LRRC4C: variants seen among roughly 807,000 people sequenced by gnomAD.
LRRC4C encodes the protein leucine rich repeat containing 4C, also known as leucine-rich repeat-containing protein 4C.
In LRRC4C, 5 loss-of-function variants were observed where a neutral mutation model predicts 33.6. The ratio of observed to expected loss-of-function variants is 0.15; its 90% CI spans 0.08 to 0.31. LRRC4C has a LOEUF of 0.31. Ranked by LOEUF, LRRC4C falls within the 10% of genes least tolerant of loss-of-function variation. The pLI, the probability that LRRC4C is intolerant of heterozygous loss-of-function variation, is 1.00. For missense variants in LRRC4C, 560 were observed against 796.7 expected (o/e 0.70, Z 3.58); for synonymous variants, 329 against 302.0 (o/e 1.09, Z -0.93).
At chr11:40,631,530 GCT>G (rs144335834) in intron 3 of LRRC4C, among the ~76,000 whole-genome samples, 5,704 of 152,190 alleles carry the variant, frequency 0.037, 339 homozygotes, top group African/African-American at 0.13. Context: ...TGACTCTGTT[GCT>G]CTTTACCCCA....
chr11:40,326,552 G>GAA (rs67048103), intron 3 of LRRC4C, among the ~76,000 whole-genome samples: 1 of 141,616 alleles, frequency 7.1e-6, no homozygotes, highest in African/African-American at 2.7e-5. Flanking sequence ...CTTCTCAAAA[G>GAA]AAAAAAAAAA....
At chr11:41,435,091 C>G (rs1259666942) in intron 1 of LRRC4C, among the ~76,000 whole-genome samples, 3 of 152,160 alleles carry the variant, frequency 2.0e-5, no homozygotes, top group Non-Finnish European at 4.4e-5. Flanking sequence ...TAAAAGTCCA[C>G]AAGGTCCTTA....
intron 1 of LRRC4C, among the ~76,000 whole-genome samples, chr11:41,067,156 G>A (rs969053690): frequency 2.6e-5 from 4 of 152,036 alleles, no homozygotes; most frequent in Admixed American, 2.0e-4. Flanking sequence ...ATCAATGTGC[G>A]GTATTCAGGA....
rs149774924 is a variant in LRRC4C at position 40,216,812 on chromosome 11, C to T, written c.-96+24707G>A. Among the ~76,000 whole-genome samples the T allele has an allele frequency of 2.2e-4, 33 of 152,208 alleles. 1 individual carries two copies. The East Asian group carries it at 6.0e-3, about 28-fold the overall frequency. On this transcript the variant is annotated intron_variant, in intron 5 of 6. Transcript: ENST00000528697. ...ACAGGTCATCAGAGTCATGGAAGAC[C>T]GCAAGTTCTTTAGCGGGTTGGGGAA...
intron 3 of LRRC4C, among the ~76,000 whole-genome samples, chr11:40,478,490 C>A (rs1953366368): frequency 6.6e-6 from 1 of 152,028 alleles, no homozygotes; most frequent in Non-Finnish European, 1.5e-5. Context: ...TATGGTATGG[C>A]CCTGAGAATT....
At chr11:41,319,576 T>A (rs1565578082) in intron 1 of LRRC4C, among the ~76,000 whole-genome samples, 1 of 152,218 alleles carries the variant, frequency 6.6e-6, no homozygotes, top group Non-Finnish European at 1.5e-5. Context: ...AAGATCTCAC[T>A]CTGTCACCCA....
rs192496747 is a variant in LRRC4C at position 40,689,394 on chromosome 11, A to G, written c.-406-41116T>C. On this transcript the variant is annotated intron_variant, in intron 2 of 6. Coordinates refer to ENST00000528697, the MANE Select transcript of LRRC4C (RefSeq NM_001258419.2). ...AATGGTATTTTAATGTCTACCCTAC[A>G]TGCTTCACAAGTTTATTATAATGAG... 3.4e-3 allele frequency among the ~76,000 whole-genome samples: 515 copies of G among 152,196 alleles called. 3 individuals carry two copies. Among genetic ancestry groups the G allele is most frequent in the African/African-American group, 0.012 (493 of 41,544 alleles).
intron 3 of LRRC4C, among the ~76,000 whole-genome samples, chr11:40,434,116 T>C (rs1012458939): frequency 6.6e-6 from 1 of 152,206 alleles, no homozygotes; most frequent in African/African-American, 2.4e-5. Flanking sequence ...ATGATATTAT[T>C]TGTTTGGGTT....
intron 1 of LRRC4C, among the ~76,000 whole-genome samples, chr11:41,223,579 T>A (rs1316315987): frequency 6.6e-6 from 1 of 152,192 alleles, no homozygotes; most frequent in African/African-American, 2.4e-5. Flanking sequence ...AATTGTCTTG[T>A]CCAAAACTTA....
At chr11:41,448,152 C>CTTTTTTTTTT (rs1955896748) in intron 1 of LRRC4C, among the ~76,000 whole-genome samples, 1 of 33,546 alleles carries the variant, frequency 3.0e-5, no homozygotes, top group Admixed American at 3.0e-4. Flanking sequence ...TGGAGCTTTA[C>CTTTTTTTTTT]TTCATCAGTG....
At chr11:41,082,368 C>T (rs1939640146) in intron 1 of LRRC4C, among the ~76,000 whole-genome samples, 1 of 151,208 alleles carries the variant, frequency 6.6e-6, no homozygotes, top group Admixed American at 6.6e-5. Context: ...TGTAGCTGAC[C>T]TGGAATGATA....
intron 1 of LRRC4C, among the ~76,000 whole-genome samples, chr11:41,015,459 G>C (rs1038435018): frequency 1.3e-5 from 2 of 152,120 alleles, no homozygotes; most frequent in Non-Finnish European, 2.9e-5. Flanking sequence ...CTCCTGAGTA[G>C]CTGGGATTAT....
chr11:40,806,003 C>T lies in LRRC4C; in HGVS notation c.-407+127632G>A, dbSNP rs75979020. Among the ~76,000 whole-genome samples the T allele has an allele frequency of 3.8e-3, 575 of 152,272 alleles. 11 individuals are homozygous for T. Among genetic ancestry groups the T allele is most frequent in the African/African-American group, 0.012 (501 of 41,552 alleles). On this transcript the variant is annotated intron_variant, in intron 2 of 6. Coordinates refer to ENST00000528697, the MANE Select transcript of LRRC4C (RefSeq NM_001258419.2). ...AGTGTCCTACAAAGGAATTTAATTA[C>T]TCCAAATGGCCCCTAATGTCCCACC...
intron 2 of LRRC4C, among the ~76,000 whole-genome samples, chr11:40,696,370 G>A (rs1170896014): frequency 1.6e-5 from 2 of 127,538 alleles, no homozygotes; most frequent in South Asian, 2.3e-4. Flanking sequence ...ATATATGAGT[G>A]TATGTATATG....
chr11:40,248,972 T>C (rs1393380028), intron 4 of LRRC4C, among the ~76,000 whole-genome samples: 1 of 152,168 alleles, frequency 6.6e-6, no homozygotes, highest in Non-Finnish European at 1.5e-5. Context: ...TTTTTCATCC[T>C]AAGAGTACCT....
intron 1 of LRRC4C, among the ~76,000 whole-genome samples, chr11:41,201,447 T>C (rs1445851167): frequency 6.6e-6 from 1 of 152,216 alleles, no homozygotes; most frequent in Non-Finnish European, 1.5e-5. Context: ...CTGGTAGCTC[T>C]AATTTCACTT....
At chr11:40,116,611 G>A (rs1855455742) in intron 6 of LRRC4C, among the ~76,000 whole-genome samples, 1 of 152,076 alleles carries the variant, frequency 6.6e-6, no homozygotes, top group African/African-American at 2.4e-5. Context: ...AACCAAATGT[G>A]GCCCAAATGC....
At chr11:40,608,995 C>A (rs756876383) in intron 3 of LRRC4C, among the ~76,000 whole-genome samples, 1 of 152,006 alleles carries the variant, frequency 6.6e-6, no homozygotes, top group South Asian at 2.1e-4. Flanking sequence ...TTCAATATCC[C>A]GCTTTCAGTA....
chr11:40,437,388 T>C (rs1951185090), intron 3 of LRRC4C, among the ~76,000 whole-genome samples: 1 of 152,012 alleles, frequency 6.6e-6, no homozygotes, highest in Non-Finnish European at 1.5e-5. Context: ...CCAATGACTT[T>C]CTTTTTTTCT....
Sources: allele counts gnomAD v4.1 joint callset (sites outside exome capture counted in the v4.1 genomes callset), GRCh38; gene constraint gnomAD v4.1.1; transcripts MANE v1.5; gene names NCBI Gene and HGNC (gene_info 2026-07-23, HGNC 2026-07-21).